Variants in PDZRN4 observed in about 807,000 individuals in gnomAD.
The protein encoded by PDZRN4 is PDZ domain containing ring finger 4, also known as PDZ domain-containing RING finger protein 4.
PDZRN4 carries 70 observed loss-of-function variants against 99.0 expected under a neutral mutation model. The observed-to-expected ratio is 0.71, with a 90% CI of 0.58 to 0.86. The LOEUF (loss-of-function observed/expected upper bound fraction) is 0.86. PDZRN4 is among the 40% of genes least tolerant of loss of function. The pLI, the probability that PDZRN4 is intolerant of heterozygous loss-of-function variation, is 0.00. For synonymous variants in PDZRN4, 551 were observed against 501.6 expected, an observed-to-expected ratio of 1.10 and a Z score of -1.32; for missense variants, 1,474 against 1,331.2, an observed-to-expected ratio of 1.11 and a Z score of -1.67.
intron 5 of PDZRN4, among the ~76,000 whole-genome samples, chr12:41,528,836 G>A (rs748050457): frequency 2.1e-4 from 32 of 152,120 alleles, no homozygotes; most frequent in Non-Finnish European, 4.3e-4. Context: ...GTAATGTTCT[G>A]AAGGTCCTGC....
intron 3 of PDZRN4, among the ~76,000 whole-genome samples, chr12:41,340,509 T>C (rs904597586): frequency 5.3e-5 from 8 of 151,852 alleles, no homozygotes; most frequent in Admixed American, 2.0e-4. Flanking sequence ...ATGAATAAGA[T>C]CTAGTATTTG....
chr12:41,240,669 G>T (rs1951096119), intron 3 of PDZRN4, among the ~76,000 whole-genome samples: 1 of 152,176 alleles, frequency 6.6e-6, no homozygotes, highest in Admixed American at 6.5e-5. Flanking sequence ...TCAAGGTCAA[G>T]GTGCTGGCAG....
chr12:41,461,407 T>C (rs1379774), intron 3 of PDZRN4, among the ~76,000 whole-genome samples: 78,605 of 151,900 alleles, frequency 0.52, 20,892 homozygotes, highest in African/African-American at 0.65. Flanking sequence ...GGCATGTTGT[T>C]TTCCTCTATG....
At chr12:41,274,236 G>C (rs1182508344) in intron 3 of PDZRN4, among the ~76,000 whole-genome samples, 3 of 151,932 alleles carry the variant, frequency 2.0e-5, no homozygotes, top group Non-Finnish European at 2.9e-5. Context: ...AAACAGAACA[G>C]AAATATGTTT....
intron 3 of PDZRN4, among the ~76,000 whole-genome samples, chr12:41,296,798 A>T (rs1592001599): frequency 6.6e-6 from 1 of 152,184 alleles, no homozygotes; most frequent in Non-Finnish European, 1.5e-5. Context: ...TATCTCTACA[A>T]AAAATACAAA....
chr12:41,306,581 C>A (rs889613222), intron 3 of PDZRN4, among the ~76,000 whole-genome samples: 1 of 152,158 alleles, frequency 6.6e-6, no homozygotes, highest in African/African-American at 2.4e-5. Context: ...TCAGTCACAA[C>A]CTTACTGTTC....
intron 3 of PDZRN4, among the ~76,000 whole-genome samples, chr12:41,503,840 T>C (rs1471256708): frequency 2.6e-5 from 4 of 152,234 alleles, no homozygotes; most frequent in South Asian, 2.1e-4. Flanking sequence ...CACGAGTTTT[T>C]CACTTTACCT....
intron 3 of PDZRN4, among the ~76,000 whole-genome samples, chr12:41,400,639 G>A (rs1279182918): frequency 6.6e-6 from 1 of 152,130 alleles, no homozygotes; most frequent in Non-Finnish European, 1.5e-5. Context: ...GTGGGGGGAT[G>A]TAGTCAGGGG....
intron 3 of PDZRN4, among the ~76,000 whole-genome samples, chr12:41,421,104 T>C (rs1280468252): frequency 6.6e-6 from 1 of 152,220 alleles, no homozygotes; most frequent in Admixed American, 6.5e-5. Flanking sequence ...TCTCATTTAT[T>C]GCATATACCT....
At chr12:41,261,740 C>T (rs1322559706) in intron 3 of PDZRN4, among the ~76,000 whole-genome samples, 1 of 152,148 alleles carries the variant, frequency 6.6e-6, no homozygotes, top group Non-Finnish European at 1.5e-5. Context: ...CCCCCCTCCT[C>T]GGCCTCCCAA....
chr12:41,238,253 A>G (rs550276558), intron 3 of PDZRN4, among the ~76,000 whole-genome samples: 42 of 152,182 alleles, frequency 2.8e-4, no homozygotes, highest in Non-Finnish European at 5.9e-4. Flanking sequence ...TAGTTCATTC[A>G]TGATTTGGCT....
At chr12:41,342,177 T>G (rs949198584) in intron 3 of PDZRN4, among the ~76,000 whole-genome samples, 1 of 151,806 alleles carries the variant, frequency 6.6e-6, no homozygotes, top group East Asian at 1.9e-4. Context: ...CCCCTACGTC[T>G]CACCATATAC....
At chr12:41,417,660 G>T (rs374309143) in intron 3 of PDZRN4, among the ~76,000 whole-genome samples, 2 of 152,146 alleles carry the variant, frequency 1.3e-5, no homozygotes, top group Non-Finnish European at 2.9e-5. Flanking sequence ...TAGAGAGGAG[G>T]CACTTGATTC....
chr12:41,268,555 T>C (rs1951294481), intron 3 of PDZRN4, among the ~76,000 whole-genome samples: 1 of 152,218 alleles, frequency 6.6e-6, no homozygotes. Context: ...TGGTTTTTAA[T>C]TATTTCCAGA....
At chr12:41,544,581 C>T (rs1272519263) in intron 5 of PDZRN4, among the ~76,000 whole-genome samples, 1 of 152,052 alleles carries the variant, frequency 6.6e-6, no homozygotes, top group Non-Finnish European at 1.5e-5. Flanking sequence ...ACAGACCTAA[C>T]AGATAAGGAC....
chr12:41,440,730 G>T (rs1952671912), intron 3 of PDZRN4, among the ~76,000 whole-genome samples: 1 of 152,144 alleles, frequency 6.6e-6, no homozygotes, highest in African/African-American at 2.4e-5. Context: ...TTCACACCAT[G>T]CGGTTTCCAT....
chr12:41,204,046 T>A (rs1183261213), intron 3 of PDZRN4, among the ~76,000 whole-genome samples: 1 of 80,824 alleles, frequency 1.2e-5, no homozygotes. Context: ...TAAGGGCTTG[T>A]AGCAAATAAA....
At chr12:41,391,979 CAA>C (rs1952213789) in intron 3 of PDZRN4, among the ~76,000 whole-genome samples, 1 of 152,064 alleles carries the variant, frequency 6.6e-6, no homozygotes, top group African/African-American at 2.4e-5. Flanking sequence ...TTGAAAAAGA[CAA>C]GAGGTTACAG....
intron 5 of PDZRN4, among the ~76,000 whole-genome samples, chr12:41,519,766 G>C (rs1938462123): frequency 6.6e-6 from 1 of 152,024 alleles, no homozygotes; most frequent in Admixed American, 6.6e-5. Context: ...TTACCTCTTA[G>C]TAGATATATT....
Sources: gnomAD v4.1 joint callset for allele counts (sites outside exome capture counted in the v4.1 genomes callset) on GRCh38, gnomAD v4.1.1 for gene constraint, MANE v1.5 for transcripts, NCBI Gene and HGNC (gene_info 2026-07-23, HGNC 2026-07-21) for gene names.